Variants in AHRR observed in about 807,000 individuals in gnomAD.
AHRR encodes the protein ahR repressor.
A neutral mutation model predicts 44.0 loss-of-function variants in AHRR; 28 were observed. The ratio of observed to expected loss-of-function variants is 0.64; its 90% confidence interval spans 0.47 to 0.87. The LOEUF (loss-of-function observed/expected upper bound fraction) is 0.87, where lower values mean the gene tolerates loss of function less well. Among genes scored for constraint, AHRR ranks in the 40% least tolerant of loss-of-function variants. The pLI, the probability that AHRR is intolerant of heterozygous loss-of-function variation, is 0.00. For missense variants in AHRR, 990 were observed against 953.9 expected, an observed-to-expected ratio of 1.04 and a Z score of -0.50; for synonymous variants, 434 against 407.0, an observed-to-expected ratio of 1.07 and a Z score of -0.80.
At chr5:377,407 C>T (rs1733771695) in intron 4 of AHRR, among the ~76,000 whole-genome samples, 2 of 152,178 alleles carry the variant, frequency 1.3e-5, no homozygotes, top group Non-Finnish European at 1.5e-5. Flanking sequence ...TGGGTGGTCC[C>T]AGGATGGGGT....
At chr5:356,139 T>A (rs993687664) in intron 3 of AHRR, among the ~76,000 whole-genome samples, 7 of 152,124 alleles carry the variant, frequency 4.6e-5, no homozygotes, top group African/African-American at 1.7e-4. Flanking sequence ...ACTGTTAAGG[T>A]CGGGATTTTC....
intron 1 of AHRR, among the ~76,000 whole-genome samples, chr5:325,357 G>A (rs1248537953): frequency 6.6e-6 from 1 of 152,142 alleles, no homozygotes; most frequent in Non-Finnish European, 1.5e-5. Flanking sequence ...CTCTATGCCC[G>A]GCCCACCTTG....
At chr5:403,550 T>C (rs1455120452) in intron 4 of AHRR, among the ~76,000 whole-genome samples, 4 of 150,594 alleles carry the variant, frequency 2.7e-5, no homozygotes, top group Non-Finnish European at 4.4e-5. Context: ...GCAGGAGAAC[T>C]GCTTGAACCT....
chr5:345,523 A>G (rs62330059), intron 2 of AHRR, among the ~76,000 whole-genome samples: 64,888 of 105,046 alleles, frequency 0.62, 21,426 homozygotes, highest in Non-Finnish European at 0.74. Flanking sequence ...TGTGTGTGTC[A>G]GATGATGTCT....
chr5:426,592 T>C (rs1736404797), intron 7 of AHRR, among the ~76,000 whole-genome samples: 1 of 149,410 alleles, frequency 6.7e-6, no homozygotes, highest in African/African-American at 2.5e-5. Flanking sequence ...GGTGCATAGA[T>C]GGACAAATGG....
intron 3 of AHRR, among the ~76,000 whole-genome samples, chr5:366,983 T>C (rs1157565324): frequency 6.6e-6 from 1 of 152,226 alleles, no homozygotes; most frequent in Non-Finnish European, 1.5e-5. Flanking sequence ...CCACCTTGGC[T>C]GAAAGGATGT....
intron 4 of AHRR, among the ~76,000 whole-genome samples, chr5:393,226 C>T (rs1204331771): frequency 6.6e-6 from 1 of 152,244 alleles, no homozygotes; most frequent in East Asian, 1.9e-4. Context: ...TGTGCCGGCA[C>T]AGACGCGTCC....
At chr5:341,506 T>TCCCCC (rs1560882183) in intron 1 of AHRR, among the ~76,000 whole-genome samples, 5 of 101,684 alleles carry the variant, frequency 4.9e-5, no homozygotes, top group Admixed American at 1.0e-4. Flanking sequence ...TCCCCTCCCC[T>TCCCCC]CCTTTCCTTT....
Position 427,823 on chromosome 5 carries a change from G to A in AHRR, c.725G>A (p.Gly242Glu). Reference protein sequence around the residue: ...TSGFLTMQFQGKLKFLFGQKK... With the variant: ...TSGFLTMQFQEKLKFLFGQKK... ...AAACACCAGACGATGCAGTTTCAAG[G>A]AAAACTAAAATTCCTGTTTGGACAG... The change falls in exon 8 of 11, where the codon GGA (glycine) becomes GAA (glutamate). Residue 242 changes from glycine to glutamate, a missense_variant. By Grantham distance (98) the Gly-to-Glu change is moderately conservative. Coordinates refer to ENST00000684583, the MANE Select transcript of AHRR (RefSeq NM_001377236.1). 3 of 1,614,212 alleles carry A rather than the reference G, an allele frequency of 1.9e-6. No homozygotes were observed. Among genetic ancestry groups the A allele is most frequent in the Non-Finnish European group, 2.5e-6 (3 of 1,180,032 alleles).
Position 422,771 on chromosome 5 carries a change from G to A in AHRR, c.484G>A (p.Asp162Asn). ...HQNIYDYIHV[D>N]DRQDFCRQLH... ...GAACATTTATGACTACATCCACGTG[G>A]ACGACCGCCAGGACTTCTGCCGGCA... Residue 162 changes from aspartate to asparagine, a missense_variant, in exon 6 of 11, where the codon GAC (aspartate) becomes AAC (asparagine). Transcript: ENST00000684583. 6.2e-7 allele frequency: 1 copy of A among 1,614,148 alleles called. No homozygotes were observed. Among genetic ancestry groups the A allele is most frequent in the Non-Finnish European group, 8.5e-7 (1 of 1,180,038 alleles).
intron 6 of AHRR, 89 bp from the exon 7 acceptor site, chr5:423,752 C>T (rs1196780946): frequency 2.4e-5 from 36 of 1,475,596 alleles, no homozygotes; most frequent in Middle Eastern, 2.5e-4. Context: ...CATGACCTGG[C>T]GCGTGAGAGC....
chr5:415,399 G>GCTGGGAGGCCTAGGGGCCGAATCTC (rs1735701759), intron 5 of AHRR, among the ~76,000 whole-genome samples: 13 of 58,620 alleles, frequency 2.2e-4, no homozygotes, highest in Non-Finnish European at 4.5e-4. Context: ...GGCCGAGTCT[G>GCTGGGAGGCCTAGGGGCCGAATCTC]CCTGGTCGGG....
intron 3 of AHRR, among the ~76,000 whole-genome samples, chr5:360,064 G>A: frequency 6.6e-6 from 1 of 152,110 alleles, no homozygotes; most frequent in East Asian, 1.9e-4. Context: ...CTAATTCCCA[G>A]TGTGGCCGTA....
At chr5:393,368 C>A (rs948411258) in intron 4 of AHRR, among the ~76,000 whole-genome samples, 3 of 152,238 alleles carry the variant, frequency 2.0e-5, no homozygotes, top group Middle Eastern at 3.2e-3. Flanking sequence ...CGCTCACTAA[C>A]CGATCCTTCC....
Position 370,714 on chromosome 5 carries a change from A to G in AHRR, c.245-5896A>G, listed in dbSNP as rs188622489. ...TTGGGGACAGGTCTCGGGAAGGCAC[A>G]GGTGACAGTGTGGGGTGGAGGGGGG... is the stretch of plus-strand genomic sequence containing the variant. On this transcript the variant is annotated intron_variant, in intron 3 of 10. Coordinates refer to ENST00000684583, the MANE Select transcript of AHRR (RefSeq NM_001377236.1). The surrounding 1 kb of genome is among the most constrained non-coding windows in gnomAD (Gnocchi z 4.5). Among the ~76,000 whole-genome samples, 799 of 95,430 alleles carry G rather than the reference A, an allele frequency of 8.4e-3. 8 individuals are homozygous for G. Among genetic ancestry groups the G allele is most frequent in the African/African-American group, 0.031 (761 of 24,626 alleles). The allele number at this position is 95,430 out of a possible 152,430, so 62.6% of individuals were successfully genotyped here.
At position 406,024 on chromosome 5, in the gene AHRR, C is replaced by T. The variant is rs776075533; in HGVS notation, c.352-7320C>T. ...CCTGTGACACCCAACAAGATAGACA[C>T]AGATGTATGAAACGCTCTACAGCCA... On this transcript the variant is annotated intron_variant, in intron 4 of 10. Coordinates refer to ENST00000684583, the MANE Select transcript of AHRR (RefSeq NM_001377236.1). This position sits in a 1 kb window ranked among gnomAD's most constrained non-coding sequence, Gnocchi z 4.7. Among the ~76,000 whole-genome samples, 5 of 152,206 alleles carry T rather than the reference C, an allele frequency of 3.3e-5. No homozygotes were observed. In the East Asian group the frequency reaches 7.7e-4, roughly 23 times the overall value.
At position 405,484 on chromosome 5, in the gene AHRR, C is replaced by G. The variant is rs1735217071; in HGVS notation, c.352-7860C>G. On this transcript the variant is annotated intron_variant, in intron 4 of 10. Coordinates refer to ENST00000684583, the MANE Select transcript of AHRR (RefSeq NM_001377236.1). The surrounding 1 kb of genome is among the most constrained non-coding windows in gnomAD (Gnocchi z 4.5). ...TTGTTGTGACAGCTGGGCAGGGGCT[C>G]CCTGACATCTTCCTCCGAGTGGGAG... Among the ~76,000 whole-genome samples the G allele has an allele frequency of 6.6e-6, 1 of 152,184 alleles. No individual in the cohort carries two copies. The highest frequency in any genetic ancestry group is 2.4e-5 in the African/African-American group (1 of 41,442).
chr5:400,239 C>T (rs1471981098), intron 4 of AHRR, among the ~76,000 whole-genome samples: 4 of 152,208 alleles, frequency 2.6e-5, no homozygotes, highest in South Asian at 2.1e-4. Context: ...AAGTACTTGC[C>T]GGCTATTTTT....
chr5:426,053 A>T (rs2126538617), intron 7 of AHRR, among the ~76,000 whole-genome samples: 1 of 152,366 alleles, frequency 6.6e-6, no homozygotes, highest in Middle Eastern at 3.4e-3. Context: ...ATACTAAAAA[A>T]ATTGGCAAAC....
Sources: gnomAD v4.1 joint callset for allele counts (sites outside exome capture counted in the v4.1 genomes callset) on GRCh38, gnomAD v4.1.1 for gene constraint, Gnocchi (gnomAD v3.1) non-coding constraint, MANE v1.5 for transcripts, NCBI Gene and HGNC (gene_info 2026-07-23, HGNC 2026-07-21) for gene names.